The following C5orf46 variants were observed in gnomAD, a reference collection of about 807,000 sequenced individuals.
C5orf46 encodes the protein uncharacterized protein C5orf46.
Under a neutral mutation model 8.9 loss-of-function variants are expected in C5orf46, and 9 were observed. That is an observed-to-expected ratio of 1.01 (90% CI 0.61 to 1.76). The LOEUF is 1.76. C5orf46 is among the 40% of genes most tolerant of loss of function. The probability of loss-of-function intolerance (pLI) is 0.00; values close to 1 mark genes in which losing one functional copy is unlikely to be tolerated. For missense variants in C5orf46, 98 were observed against 107.8 expected (o/e 0.91, Z 0.40); for synonymous variants, 47 against 41.4 (o/e 1.14, Z -0.52).
chr5:147,888,715 G>A (rs566391670), downstream of C5orf46, among the ~76,000 whole-genome samples: 1 of 152,188 alleles, frequency 6.6e-6, no homozygotes, highest in Non-Finnish European at 1.5e-5. Flanking sequence ...TCCCAAGCAA[G>A]TCTCTCAAAA....
chr5:147,890,166 G>T (rs560262452), downstream of C5orf46, among the ~76,000 whole-genome samples: 3 of 152,146 alleles, frequency 2.0e-5, no homozygotes, highest in South Asian at 4.1e-4. Flanking sequence ...ATGCTGCACC[G>T]TGTTGAGTAT....
At chr5:147,906,333 G>A (rs1757750579) in intron 1 of C5orf46, 99 bp downstream of exon 1, 1 of 663,120 alleles carries the variant, frequency 1.5e-6, no homozygotes. Context: ...AGTGCCCAAA[G>A]ACCCCTTCTT....
chr5:147,894,610 T>A (rs1248092595), intron 3 of C5orf46, among the ~76,000 whole-genome samples: 1 of 152,168 alleles, frequency 6.6e-6, no homozygotes, highest in East Asian at 1.9e-4. Context: ...CATAACTTTA[T>A]CATTTCCTTC....
At chr5:147,896,213 G>T (rs1369986211) in intron 3 of C5orf46, among the ~76,000 whole-genome samples, 1 of 152,058 alleles carries the variant, frequency 6.6e-6, no homozygotes, top group African/African-American at 2.4e-5. Context: ...CACAGGCCTT[G>T]GAATCAGGCT....
intron 2 of C5orf46, chr5:147,887,699 A>C (rs1226452392): frequency 4.6e-5 from 7 of 152,188 alleles, no homozygotes; most frequent in Non-Finnish European, 5.9e-5. Flanking sequence ...AAGTTATGAT[A>C]ATAACAATAA....
downstream of C5orf46, among the ~76,000 whole-genome samples, chr5:147,891,465 C>G (rs1013801197): frequency 3.9e-5 from 6 of 152,110 alleles, no homozygotes; most frequent in Non-Finnish European, 7.3e-5. Flanking sequence ...TGTCAGCGAC[C>G]CGTTAGGAAT....
rs1398768095 is a variant in C5orf46 at position 147,906,341 on chromosome 5, C to T, written c.70+91G>A. 7.8e-6 allele frequency: 6 copies of T among 771,722 alleles called. No individual in the cohort carries two copies. In the East Asian group the frequency reaches 1.4e-4, roughly 18 times the overall value. The allele number at this position is 771,722 out of a possible 1,614,324, so 47.8% of individuals were successfully genotyped here. On this transcript the variant is annotated intron_variant, in intron 1 of 3. Transcript: ENST00000318315. ...TTTCTGGAGTGCCCAAAGACCCCTT[C>T]TTTCTTTTATGTTCTGAATCAGTGC...
At chr5:147,893,388 G>A (rs560683802) in intron 3 of C5orf46, among the ~76,000 whole-genome samples, 3 of 150,626 alleles carry the variant, frequency 2.0e-5, no homozygotes, top group Admixed American at 2.0e-4. Context: ...AGGTTCAAGC[G>A]ATTCTTCTGC....
At chr5:147,893,410 G>A (rs991578200) in intron 3 of C5orf46, among the ~76,000 whole-genome samples, 2 of 149,880 alleles carry the variant, frequency 1.3e-5, no homozygotes, top group Admixed American at 6.7e-5. Flanking sequence ...TCAGCCTCCC[G>A]AGTAGCTGGG....
intron 1 of C5orf46, among the ~76,000 whole-genome samples, chr5:147,902,106 G>A (rs368499354): frequency 1.3e-5 from 2 of 152,142 alleles, no homozygotes; most frequent in Admixed American, 1.3e-4. Context: ...CTGACATACA[G>A]AATGTCTGTT....
At chr5:147,890,675 G>A (rs764987464), downstream of C5orf46, among the ~76,000 whole-genome samples, 5 of 152,086 alleles carry the variant, frequency 3.3e-5, no homozygotes, top group African/African-American at 9.6e-5. Context: ...GCCACCTCGC[G>A]AAAGAGTAAT....
At chr5:147,891,923 C>G (rs1173816661), downstream of C5orf46, among the ~76,000 whole-genome samples, 4 of 151,242 alleles carry the variant, frequency 2.6e-5, no homozygotes, top group African/African-American at 7.4e-5. Context: ...ATGCACACCT[C>G]TTCTGGCTAA....
intron 2 of C5orf46, among the ~76,000 whole-genome samples, chr5:147,900,525 T>G (rs1292453365): frequency 2.0e-5 from 3 of 152,212 alleles, no homozygotes; most frequent in Admixed American, 6.5e-5. Flanking sequence ...TGTAAAGGTT[T>G]TGTGGATCTT....
At chr5:147,906,406 C>T (rs1339624632) in intron 1 of C5orf46, 26 bp downstream of exon 1, 2 of 1,541,066 alleles carry the variant, frequency 1.3e-6, no homozygotes, top group South Asian at 2.3e-5. Context: ...CTGAACAATT[C>T]ATGGGCTGTG....
intron 1 of C5orf46, 128 bp from the exon 2 acceptor site, chr5:147,901,901 A>T (rs1757677910): frequency 1.1e-6 from 1 of 930,012 alleles, no homozygotes; most frequent in African/African-American, 1.7e-5. Context: ...GGTTATATTC[A>T]TCGAACATTT....
In C5orf46 at chr5:147,893,729, A is replaced by G. The variant is rs145526354; in HGVS notation, c.*10-790T>C. Among the ~76,000 whole-genome samples, 550 of 151,780 alleles carry G rather than the reference A, an allele frequency of 3.6e-3. 4 individuals carry two copies. The highest frequency in any genetic ancestry group is 0.013 in the African/African-American group (531 of 41,318). ...GGCTAATTTTGTATTTTTAGTAGAG[A>G]CAGTGTTTCTCCATGTTGGTCAGGC... is the stretch of plus-strand genomic sequence containing the variant. On this transcript the variant is annotated intron_variant, in intron 3 of 3. Coordinates refer to ENST00000318315, the MANE Select transcript of C5orf46 (RefSeq NM_206966.3).
intron 2 of C5orf46, chr5:147,886,667 T>C (rs1757425153): frequency 6.6e-6 from 1 of 151,316 alleles, no homozygotes. Flanking sequence ...GAATGATACA[T>C]TGCACATATG....
At chr5:147,901,241 A>G (rs1294398411) in intron 2 of C5orf46, 1 of 157,190 alleles carries the variant, frequency 6.4e-6, no homozygotes, top group African/African-American at 2.4e-5. Flanking sequence ...TCACAGTTAA[A>G]ATATGAGCAA....
chr5:147,888,885 A>G (rs1047544664), downstream of C5orf46, among the ~76,000 whole-genome samples: 3 of 152,186 alleles, frequency 2.0e-5, no homozygotes, highest in African/African-American at 7.2e-5. Flanking sequence ...CAGTTTTTGT[A>G]CATCAGTTAT....
Sources: gnomAD v4.1 joint callset for allele counts (sites outside exome capture counted in the v4.1 genomes callset) on GRCh38, gnomAD v4.1.1 for gene constraint, MANE v1.5 for transcripts, NCBI Gene and HGNC (gene_info 2026-07-23, HGNC 2026-07-21) for gene names.